KLF12: variants seen among roughly 807,000 people sequenced by gnomAD.
KLF12 encodes KLF transcription factor 12, also known as Krueppel-like factor 12.
A neutral mutation model predicts 37.8 loss-of-function variants in KLF12; 9 were observed. The ratio of observed to expected loss-of-function variants is 0.24; its 90% CI spans 0.14 to 0.42. KLF12 has a LOEUF of 0.42. Among genes scored for constraint, KLF12 ranks in the 10% least tolerant of loss-of-function variants. The probability of loss-of-function intolerance (pLI) is 1.00; values close to 1 mark genes in which losing one functional copy is unlikely to be tolerated. For missense variants in KLF12, 411 were observed against 516.0 expected (o/e 0.80, Z 1.97); for synonymous variants, 208 against 202.1 (o/e 1.03, Z -0.25).
chr13:74,006,115 C>T (rs951436560), intron 1 of KLF12, among the ~76,000 whole-genome samples: 12 of 152,190 alleles, frequency 7.9e-5, no homozygotes, highest in Admixed American at 7.9e-4. Flanking sequence ...CAATTTCTGT[C>T]ATTGCTCAGA....
At chr13:74,057,278 A>T (rs541388895) in intron 1 of KLF12, among the ~76,000 whole-genome samples, 1 of 152,230 alleles carries the variant, frequency 6.6e-6, no homozygotes, top group Non-Finnish European at 1.5e-5. Context: ...GTGGAGACAA[A>T]GTACAACAGG....
At chr13:74,158,347 T>C in the KLF12 span, among the ~76,000 whole-genome samples, 1 of 152,126 alleles carries the variant, frequency 6.6e-6, no homozygotes, top group African/African-American at 2.4e-5. Flanking sequence ...CTCAAATTCT[T>C]GGAGCAATCT....
At chr13:74,258,809 A>G in the KLF12 span, 2 of 152,286 alleles carry the variant, frequency 1.3e-5, no homozygotes, top group Non-Finnish European at 2.9e-5. Flanking sequence ...TAGTTTCCCC[A>G]GAAGCAGACT....
chr13:73,992,145 T>C (rs1270594328), intron 2 of KLF12, among the ~76,000 whole-genome samples: 1 of 152,190 alleles, frequency 6.6e-6, no homozygotes, highest in African/African-American at 2.4e-5. Context: ...CTAAGCCAGC[T>C]GCTGAGAAGC....
At chr13:74,179,003 A>C in the KLF12 span, among the ~76,000 whole-genome samples, 1 of 152,252 alleles carries the variant, frequency 6.6e-6, no homozygotes, top group Non-Finnish European at 1.5e-5. Context: ...CACTATATGC[A>C]GTCAGCTGGT....
chr13:74,075,400 C>A (rs1463893861), intron 1 of KLF12, among the ~76,000 whole-genome samples: 1 of 152,194 alleles, frequency 6.6e-6, no homozygotes, highest in Non-Finnish European at 1.5e-5. Context: ...GGCTCTCAAT[C>A]CTGCCACACA....
the KLF12 span, among the ~76,000 whole-genome samples, chr13:74,301,823 G>C: frequency 6.6e-5 from 10 of 152,264 alleles, no homozygotes; most frequent in African/African-American, 2.4e-4. Context: ...ACCAATCGCA[G>C]TATTCTTGCC....
At chr13:74,244,849 C>A in the KLF12 span, among the ~76,000 whole-genome samples, 1 of 152,168 alleles carries the variant, frequency 6.6e-6, no homozygotes, top group East Asian at 1.9e-4. Flanking sequence ...ATTACCAGGC[C>A]TCCTGAGCAA....
At chr13:74,247,710 A>T in the KLF12 span, among the ~76,000 whole-genome samples, 1 of 152,114 alleles carries the variant, frequency 6.6e-6, no homozygotes, top group Admixed American at 6.5e-5. Context: ...ACCTTCAAGC[A>T]ATCCTCCCAC....
intron 5 of KLF12, among the ~76,000 whole-genome samples, chr13:73,807,479 G>A (rs1261421051): frequency 1.3e-5 from 2 of 152,042 alleles, no homozygotes; most frequent in Non-Finnish European, 2.9e-5. Context: ...TCTTTAAGAC[G>A]ATGAGCACTT....
the KLF12 span, among the ~76,000 whole-genome samples, chr13:74,172,692 T>C: frequency 6.6e-6 from 1 of 152,200 alleles, no homozygotes. Flanking sequence ...TTGTGTTTCA[T>C]TGGCCAGAAT....
intron 1 of KLF12, among the ~76,000 whole-genome samples, chr13:73,996,022 T>A (rs181545991): frequency 1.6e-4 from 24 of 152,344 alleles, no homozygotes; most frequent in Admixed American, 1.4e-3. Flanking sequence ...TTCCTGTGTA[T>A]GTTTCCATAC....
chr13:73,771,932 C>G (rs1275263344), intron 5 of KLF12, among the ~76,000 whole-genome samples: 1 of 152,176 alleles, frequency 6.6e-6, no homozygotes, highest in African/African-American at 2.4e-5. Context: ...CTAAGTTACT[C>G]ACCTAAGTAT....
At chr13:74,293,780 A>G in the KLF12 span, among the ~76,000 whole-genome samples, 33 of 152,194 alleles carry the variant, frequency 2.2e-4, no homozygotes, top group African/African-American at 8.0e-4. Context: ...TGCCTTTTGT[A>G]TATTGGCCAT....
the KLF12 span, chr13:74,258,662 C>G: frequency 6.6e-6 from 1 of 152,122 alleles, no homozygotes; most frequent in Non-Finnish European, 1.5e-5. Context: ...ATCAGGGGAA[C>G]GTGGAGTTGG....
chr13:73,697,454 CTGCATT>C (rs1181980054), intron 7 of KLF12, among the ~76,000 whole-genome samples: 1 of 152,188 alleles, frequency 6.6e-6, no homozygotes, highest in African/African-American at 2.4e-5. Context: ...GGAGACAAAA[CTGCATT>C]TGCATGTGTC....
At chr13:74,095,479 C>T (rs1490471590) in intron 1 of KLF12, among the ~76,000 whole-genome samples, 1 of 152,026 alleles carries the variant, frequency 6.6e-6, no homozygotes, top group African/African-American at 2.4e-5. Context: ...GCCTCAAACT[C>T]CTGGGCTCAA....
chr13:74,187,362 C>T, the KLF12 span, among the ~76,000 whole-genome samples: 2 of 151,926 alleles, frequency 1.3e-5, no homozygotes, highest in Non-Finnish European at 2.9e-5. Context: ...ATCGCAGGCT[C>T]AGTGGTTAAC....
chr13:73,928,704 C>A (rs1889523486), intron 3 of KLF12, among the ~76,000 whole-genome samples: 1 of 152,188 alleles, frequency 6.6e-6, no homozygotes, highest in Non-Finnish European at 1.5e-5. Flanking sequence ...GACTGTCTTA[C>A]CTAACATGCT....
Sources: allele counts gnomAD v4.1 joint callset (sites outside exome capture counted in the v4.1 genomes callset), GRCh38; gene constraint gnomAD v4.1.1; transcripts MANE v1.5; gene names NCBI Gene and HGNC (gene_info 2026-07-23, HGNC 2026-07-21).